The following MARCO variants were observed in gnomAD, a reference collection of about 807,000 sequenced individuals.
The protein encoded by MARCO is macrophage receptor with collagenous structure.
A neutral mutation model predicts 70.0 loss-of-function variants in MARCO; 72 were observed. The observed-to-expected ratio is 1.03, with a 90% confidence interval of 0.85 to 1.25. MARCO has a LOEUF of 1.25. MARCO is among the 50% of genes most tolerant of loss of function. The pLI is 0.00. For synonymous variants in MARCO, 273 were observed against 243.1 expected (o/e 1.12, Z -1.14); for missense variants, 696 against 659.3 (o/e 1.06, Z -0.61).
At chr2:118,959,843 T>C (rs1369601318) in intron 1 of MARCO, among the ~76,000 whole-genome samples, 2 of 152,200 alleles carry the variant, frequency 1.3e-5, no homozygotes, top group Non-Finnish European at 2.9e-5. Context: ...GAGACTATTA[T>C]TCTAAGTGAA....
At position 118,945,954 on chromosome 2, in the gene MARCO, C is replaced by T. The variant is rs76655770; in HGVS notation, c.97+3557C>T. The stretch of plus-strand genomic sequence containing the variant: ...TCAACAAAACCCAAACCCTCAAGTC[C>T]GTTCAGGCTCAGTCTTGCAACACGA... On this transcript the variant is annotated intron_variant, in intron 1 of 16. Coordinates refer to ENST00000327097, the MANE Select transcript of MARCO (RefSeq NM_006770.4). Among the ~76,000 whole-genome samples the T allele has an allele frequency of 1.8e-3, 281 of 152,274 alleles. 3 individuals are homozygous for T. Among genetic ancestry groups the T allele is most frequent in the African/African-American group, 6.5e-3 (268 of 41,550 alleles).
chr2:118,957,345 CT>C (rs1470505720), intron 1 of MARCO, among the ~76,000 whole-genome samples: 3 of 151,954 alleles, frequency 2.0e-5, no homozygotes, highest in Non-Finnish European at 2.9e-5. Flanking sequence ...TCATTCAAGG[CT>C]ACTATGAATA....
intron 12 of MARCO, among the ~76,000 whole-genome samples, chr2:118,986,738 G>GGGAA (rs1680523922): frequency 1.4e-5 from 2 of 140,718 alleles, no homozygotes; most frequent in African/African-American, 5.4e-5. Flanking sequence ...AAGAAAGAAA[G>GGGAA]AGAAAGAAAG....
chr2:118,977,563 CA>C, intron 7 of MARCO, 48 bp downstream of exon 7: 1 of 1,553,244 alleles, frequency 6.4e-7, no homozygotes, highest in Non-Finnish European at 8.9e-7. Flanking sequence ...TAGCCTGAGG[CA>C]CTGAGGCAGT....
intron 10 of MARCO, 118 bp downstream of exon 10, chr2:118,981,774 G>A: frequency 1.9e-6 from 2 of 1,080,430 alleles, no homozygotes; most frequent in East Asian, 2.4e-5. Context: ...GAACACCTGG[G>A]GTTTTTTAGA....
intron 1 of MARCO, among the ~76,000 whole-genome samples, chr2:118,964,066 C>T (rs564346941): frequency 1.5e-4 from 23 of 152,246 alleles, no homozygotes; most frequent in Non-Finnish European, 3.2e-4. Context: ...TGGAACTTAT[C>T]GCAGCCTGGC....
chr2:118,966,206 T>A (rs974119975), intron 1 of MARCO, among the ~76,000 whole-genome samples: 4 of 152,238 alleles, frequency 2.6e-5, no homozygotes, highest in Non-Finnish European at 5.9e-5. Flanking sequence ...ATTTCCCTCC[T>A]GAGCTATGTT....
intron 12 of MARCO, 92 bp downstream of exon 12, chr2:118,982,502 G>T: frequency 8.1e-7 from 1 of 1,231,060 alleles, no homozygotes; most frequent in Non-Finnish European, 1.2e-6. Flanking sequence ...CCACGGAGGA[G>T]GCAGAGGGTC....
At chr2:118,981,335 G>A (rs1412804335) in intron 8 of MARCO, 74 bp from the exon 9 acceptor site, 3 of 926,434 alleles carry the variant, frequency 3.2e-6, no homozygotes, top group Non-Finnish European at 5.1e-6. Flanking sequence ...AGTGGAATGG[G>A]AAGTGTCAGA....
intron 13 of MARCO, 82 bp from the exon 14 acceptor site, chr2:118,991,695 A>G: frequency 1.3e-6 from 1 of 761,040 alleles, no homozygotes; most frequent in Non-Finnish European, 2.1e-6. Flanking sequence ...AGGATAACTC[A>G]TTTATTAAAC....
rs1306358794 is a variant in MARCO, at chr2:118,969,339, C to G, written c.199+78C>G. ...AGCTGGGCCCCTCAGATGAAGGGCT[C>G]AGGTTGAGTGGAGAGCCTCGGGCCA... On this transcript the variant is annotated intron_variant, in intron 2 of 16. Coordinates refer to ENST00000327097, the MANE Select transcript of MARCO (RefSeq NM_006770.4). 5.4e-6 allele frequency: 6 copies of G among 1,109,628 alleles called. No individual in the cohort carries two copies. The African/African-American group carries it at 7.7e-5, about 14-fold the overall frequency. 68.7% of individuals were successfully genotyped at this position (1,109,628 alleles called of 1,614,324 possible).
chr2:118,987,901 C>T (rs373562060), intron 12 of MARCO, among the ~76,000 whole-genome samples: 2 of 152,268 alleles, frequency 1.3e-5, no homozygotes, highest in Admixed American at 6.5e-5. Flanking sequence ...GAACCAAGTG[C>T]GTAGACCAAG....
chr2:118,982,079 A>G, intron 10 of MARCO, 77 bp from the exon 11 acceptor site: 1 of 1,013,454 alleles, frequency 9.9e-7, no homozygotes, highest in South Asian at 1.5e-5. Flanking sequence ...CACTGCTGAA[A>G]ACAGAAGCAC....
At chr2:118,953,713 C>G (rs1314550349) in intron 1 of MARCO, among the ~76,000 whole-genome samples, 1 of 152,164 alleles carries the variant, frequency 6.6e-6, no homozygotes, top group Non-Finnish European at 1.5e-5. Flanking sequence ...TCCTGAAGGA[C>G]CCAGTAGACA....
intron 6 of MARCO, among the ~76,000 whole-genome samples, chr2:118,977,118 C>T (rs932437626): frequency 6.6e-5 from 10 of 152,298 alleles, no homozygotes; most frequent in South Asian, 2.1e-4. Context: ...TTAATCTCTT[C>T]ATAAGAGATC....
Position 118,981,647 on chromosome 2 carries a change from G to A in MARCO, c.892G>A (p.Gly298Arg). Residue 298 changes from glycine (G) to arginine (R), a missense_variant, in exon 10 of 17, where the codon GGA becomes AGA. This residue lies in a region of MARCO where 605 missense variants were observed against 537.6 expected (regional missense o/e 1.13). Coordinates refer to ENST00000327097, the MANE Select transcript of MARCO (RefSeq NM_006770.4). ...PGLAGFPGAKGDQGQPGLQGV... is the reference protein window; with the variant it reads ...PGLAGFPGAKRDQGQPGLQGV... ...TTTGGCTGGTTTTCCTGGAGCTAAA[G>A]GAGATCAAGGTAAGAACTACAGGAA... 6.2e-7 allele frequency: 1 copy of A among 1,613,970 alleles called. No individual in the cohort carries two copies. Among genetic ancestry groups the A allele is most frequent in the Non-Finnish European group, 8.5e-7 (1 of 1,179,984 alleles).
intron 16 of MARCO, 57 bp downstream of exon 16, chr2:118,993,357 T>C: frequency 5.1e-6 from 8 of 1,554,694 alleles, no homozygotes; most frequent in Non-Finnish European, 7.1e-6. Flanking sequence ...TGGCTTTCTC[T>C]CGCTGGTGGG....
intron 8 of MARCO, among the ~76,000 whole-genome samples, chr2:118,980,766 C>G (rs886173444): frequency 6.6e-6 from 1 of 152,094 alleles, no homozygotes; most frequent in Non-Finnish European, 1.5e-5. Context: ...TCCAGGCAGT[C>G]CACCCCTAAA....
intron 3 of MARCO, 65 bp downstream of exon 3, chr2:118,970,403 A>C: frequency 7.6e-7 from 1 of 1,310,878 alleles, no homozygotes; most frequent in Non-Finnish European, 1.1e-6. Flanking sequence ...CGGGATCAGG[A>C]ACCAGGAAAT....
Sources: allele counts gnomAD v4.1 joint callset (sites outside exome capture counted in the v4.1 genomes callset), GRCh38; gene constraint gnomAD v4.1.1; regional missense constraint gnomAD v4.1.1; transcripts MANE v1.5; gene names NCBI Gene and HGNC (gene_info 2026-07-23, HGNC 2026-07-21).